TRANK1: variants seen among roughly 807,000 people sequenced by gnomAD.
The protein encoded by TRANK1 is tetratricopeptide repeat and ankyrin repeat containing 1, also known as TPR and ankyrin repeat-containing protein 1.
TRANK1 carries 198 observed loss-of-function variants against 266.0 expected under a neutral mutation model. That is an observed-to-expected ratio of 0.74 (90% CI 0.66 to 0.84). The LOEUF is 0.84. Ranked by LOEUF, TRANK1 falls within the 40% of genes least tolerant of loss-of-function variation. The probability of loss-of-function intolerance (pLI) is 0.00; values close to 1 mark genes in which losing one functional copy is unlikely to be tolerated. For synonymous variants in TRANK1, 1,396 were observed against 1,384.1 expected (o/e 1.01, Z -0.19); for missense variants, 3,326 against 3,634.6 (o/e 0.92, Z 2.18).
chr3:36,880,409 CT>C, intron 8 of TRANK1: 1 of 318,148 alleles, frequency 3.1e-6, no homozygotes, highest in Non-Finnish European at 6.5e-6. Context: ...CATCTCTTTC[CT>C]TTGATTTGCT....
chr3:36,917,166 C>CCACA (rs143116048), intron 1 of TRANK1, among the ~76,000 whole-genome samples: 4 of 150,842 alleles, frequency 2.7e-5, no homozygotes, highest in Admixed American at 2.0e-4. Context: ...ACACTCACAC[C>CCACA]CACACACACA....
chr3:36,879,703 A>AAAT (rs2079457640), intron 8 of TRANK1, among the ~76,000 whole-genome samples: 1 of 59,890 alleles, frequency 1.7e-5, no homozygotes, highest in African/African-American at 1.0e-4. Context: ...TATAAATATA[A>AAAT]ATATAAATAT....
chr3:36,929,493 CA>C (rs2080332572), intron 1 of TRANK1: 1 of 152,074 alleles, frequency 6.6e-6, no homozygotes, highest in African/African-American at 2.4e-5. Context: ...GAATATCCAG[CA>C]ATAAATATAT....
chr3:36,830,930 T>C lies in TRANK1; in HGVS notation c.8653A>G (p.Ile2885Val). 1 of 1,613,924 alleles carries C rather than the reference T, an allele frequency of 6.2e-7. No individual in the cohort carries two copies. Among genetic ancestry groups the C allele is most frequent in the African/African-American group, 1.3e-5 (1 of 75,044 alleles). ...SHMLQKVQEH[I>V]KRVSDMVEDL... ...TCCACCATATCCGAAACCCTCTTGA[T>C]GTGCTCCTGGACCTTCTGCAGCATG... Residue 2885 changes from isoleucine to valine, a missense_variant, in exon 22 of 24, where the codon ATC becomes GTC. Ile to Val is a conservative substitution (Grantham distance 29). Transcript: ENST00000645898.
chr3:36,887,009 C>T (rs560522843), intron 8 of TRANK1, among the ~76,000 whole-genome samples: 2 of 149,996 alleles, frequency 1.3e-5, no homozygotes, highest in African/African-American at 4.9e-5. Flanking sequence ...TGGGTTCAAG[C>T]CATTCTCCTA....
At chr3:36,839,701 C>A (rs1033923751) in intron 18 of TRANK1, among the ~76,000 whole-genome samples, 2 of 152,180 alleles carry the variant, frequency 1.3e-5, no homozygotes, top group African/African-American at 2.4e-5. Flanking sequence ...GTTCTGGGAG[C>A]AGCTGGTCTC....
chr3:36,852,377 A>G lies in TRANK1; in HGVS notation c.4550-32T>C, dbSNP rs144880778. 3.8e-5 allele frequency: 57 copies of G among 1,515,684 alleles called. 1 individual carries two copies. The East Asian group carries it at 1.3e-3, about 34-fold the overall frequency. The allele number at this position is 1,515,684 out of a possible 1,614,324, so 93.9% of individuals were successfully genotyped here. Reference sequence around the variant, plus strand: ...TGAAACAGAAAACCCAAGTTGGATAATTAACAACATGGCTGAGTTTTTTGG... The same window carrying G: ...TGAAACAGAAAACCCAAGTTGGATAGTTAACAACATGGCTGAGTTTTTTGG... On this transcript the variant is annotated intron_variant, in intron 13 of 23. Transcript: ENST00000645898.
intron 8 of TRANK1, among the ~76,000 whole-genome samples, chr3:36,882,410 T>A (rs926754705): frequency 6.6e-6 from 1 of 152,186 alleles, no homozygotes; most frequent in East Asian, 1.9e-4. Flanking sequence ...CTCCAATTAC[T>A]GAGGTTAAGA....
Position 36,887,262 on chromosome 3 carries a change from C to A in TRANK1, c.907+2567G>T, listed in dbSNP as rs139201045. Among the ~76,000 whole-genome samples the A allele has an allele frequency of 3.1e-4, 47 of 152,292 alleles. No homozygotes were observed. The East Asian group carries it at 8.7e-3, about 28-fold the overall frequency. On this transcript the variant is annotated intron_variant, in intron 8 of 23. Transcript: ENST00000645898. The stretch of plus-strand genomic sequence containing the variant: ...TGGTATGCTAAGACCCAGTTCATAT[C>A]AGTTCACAAGAGCCAATTGTTTAAT...
chr3:36,851,052 T>A (rs2078978443), intron 15 of TRANK1: 2 of 985,402 alleles, frequency 2.0e-6, no homozygotes, highest in Non-Finnish European at 2.4e-6. Context: ...TGTGAGTTGG[T>A]AGCTCTACCC....
At chr3:36,918,665 GAGAA>G (rs528705516) in intron 1 of TRANK1, among the ~76,000 whole-genome samples, 226 of 150,696 alleles carry the variant, frequency 1.5e-3, no homozygotes, top group African/African-American at 4.9e-3. Context: ...GAGAGAAAGA[GAGAA>G]AGAAAGAAAA....
In TRANK1 at chr3:36,846,397, T is replaced by C. The variant is rs762529152; in HGVS notation, c.5042A>G (p.Asn1681Ser). 8.1e-6 allele frequency: 13 copies of C among 1,612,206 alleles called. No individual in the cohort carries two copies. The highest frequency in any genetic ancestry group is 1.1e-5 in the Non-Finnish European group (13 of 1,179,078). The change falls in exon 17 of 24, where the codon AAC becomes AGC. Residue 1681 changes from asparagine to serine, a missense_variant. Physicochemically the swap from Asn to Ser is conservative, Grantham distance 46 (BLOSUM62 1). Transcript: ENST00000645898. ...MVNPEMYKLL[N>S]GELKQLYTAI... is the part of the protein sequence containing the mutation. ...GGTGTACAGCTGCTTCAGCTCTCCG[T>C]TGAGGAGCTAAAGATAACATTGAGG...
chr3:36,912,873 TTTTTA>T (rs2080072036), intron 1 of TRANK1, among the ~76,000 whole-genome samples: 1 of 60,444 alleles, frequency 1.7e-5, no homozygotes, highest in African/African-American at 5.0e-5. Flanking sequence ...TTTGTTTACT[TTTTTA>T]TTTTATTTTT....
chr3:36,858,637 G>A, intron 12 of TRANK1, 81 bp downstream of exon 12: 1 of 1,383,782 alleles, frequency 7.2e-7, no homozygotes. Context: ...TACACAAAAG[G>A]AAAGACCAGA....
At chr3:36,875,536 AC>A (rs2079374980) in intron 8 of TRANK1, among the ~76,000 whole-genome samples, 1 of 152,220 alleles carries the variant, frequency 6.6e-6, no homozygotes, top group African/African-American at 2.4e-5. Context: ...CTTGCAAGAC[AC>A]TGAGCAGAAA....
At chr3:36,890,821 C>A (rs546163925) in intron 7 of TRANK1, among the ~76,000 whole-genome samples, 6 of 152,248 alleles carry the variant, frequency 3.9e-5, no homozygotes, top group African/African-American at 1.4e-4. Context: ...AGAAACAAAT[C>A]AATGATTAAA....
At chr3:36,870,963 A>T (rs1236718631) in intron 9 of TRANK1, among the ~76,000 whole-genome samples, 2 of 65,918 alleles carry the variant, frequency 3.0e-5, no homozygotes, top group African/African-American at 1.7e-4. Context: ...CAAGGAAACT[A>T]AAAAAAAAAA....
intron 13 of TRANK1, among the ~76,000 whole-genome samples, chr3:36,854,899 G>T (rs1470617976): frequency 1.3e-5 from 2 of 151,996 alleles, no homozygotes; most frequent in East Asian, 3.9e-4. Context: ...CAGTTTAAAT[G>T]TTCCCCTGAA....
intron 20 of TRANK1, among the ~76,000 whole-genome samples, 161 bp downstream of exon 20, chr3:36,838,211 C>T (rs1236084715): frequency 6.6e-6 from 1 of 152,118 alleles, no homozygotes; most frequent in East Asian, 1.9e-4. Context: ...AAAGTTTGCC[C>T]AAGTAGTGAA....
Sources: allele counts gnomAD v4.1 joint callset (sites outside exome capture counted in the v4.1 genomes callset), GRCh38; gene constraint gnomAD v4.1.1; transcripts MANE v1.5; gene names NCBI Gene and HGNC (gene_info 2026-07-23, HGNC 2026-07-21).